Variants in KCNC4 observed in about 807,000 individuals in gnomAD.
The protein encoded by KCNC4 is voltage-gated potassium channel KCNC4.
In KCNC4, 23 loss-of-function variants were observed where a neutral mutation model predicts 42.8. The ratio of observed to expected loss-of-function variants is 0.54; its 90% CI spans 0.39 to 0.76. The LOEUF is 0.76. KCNC4 is among the 30% of genes least tolerant of loss of function. The pLI is 0.00. For missense variants in KCNC4, 751 were observed against 898.2 expected, an observed-to-expected ratio of 0.84 and a Z score of 2.10; for synonymous variants, 422 against 393.5, an observed-to-expected ratio of 1.07 and a Z score of -0.86.
chr1:110,260,878 C>T (rs892788269), intron 1 of KCNC4, among the ~76,000 whole-genome samples: 1 of 152,086 alleles, frequency 6.6e-6, no homozygotes. Flanking sequence ...TGCAGTGAGC[C>T]GAGATCGCGC....
intron 1 of KCNC4, among the ~76,000 whole-genome samples, chr1:110,261,274 A>G (rs1369022366): frequency 1.3e-5 from 2 of 152,238 alleles, no homozygotes; most frequent in South Asian, 2.1e-4. Context: ...TTTTTCTACC[A>G]TGAAAAATGG....
intron 1 of KCNC4, among the ~76,000 whole-genome samples, chr1:110,260,561 G>C (rs1234403053): frequency 1.3e-5 from 2 of 152,184 alleles, no homozygotes; most frequent in African/African-American, 4.8e-5. Context: ...AATATTTCTG[G>C]GGTGACCCTT....
At chr1:110,256,068 CAT>C (rs1659322803) in intron 1 of KCNC4, among the ~76,000 whole-genome samples, 1 of 152,138 alleles carries the variant, frequency 6.6e-6, no homozygotes, top group Non-Finnish European at 1.5e-5. Context: ...GTCCTGCAGC[CAT>C]TAGAATTACA....
At chr1:110,263,766 G>A (rs1659492462) in intron 1 of KCNC4, among the ~76,000 whole-genome samples, 1 of 150,138 alleles carries the variant, frequency 6.7e-6, no homozygotes, top group Admixed American at 6.6e-5. Context: ...ATTGAGGCCT[G>A]GAAGGCAACC....
intron 1 of KCNC4, among the ~76,000 whole-genome samples, chr1:110,218,398 T>C (rs512079): frequency 0.44 from 67,236 of 152,016 alleles, 17,916 homozygotes; most frequent in Non-Finnish European, 0.61. Context: ...TCCTTCACTC[T>C]TCAGGGCTGT....
intron 3 of KCNC4, among the ~76,000 whole-genome samples, chr1:110,230,427 C>T (rs1032956401): frequency 1.3e-5 from 2 of 152,198 alleles, no homozygotes; most frequent in African/African-American, 2.4e-5. Context: ...AGGGACACAA[C>T]GAGCCGGGTG....
downstream of KCNC4, chr1:110,234,592 T>TA (rs1658857828): frequency 6.6e-6 from 1 of 152,234 alleles, no homozygotes; most frequent in African/African-American, 2.4e-5. Flanking sequence ...TCACTGTTGT[T>TA]ATCCCTCTCA....
Position 110,226,337 on chromosome 1 carries a change from C to T in KCNC4, c.1819+159C>T, listed in dbSNP as rs374248029. The T allele has an allele frequency of 3.3e-5, 22 of 664,488 alleles. No individual in the cohort carries two copies. The East Asian group carries it at 3.8e-4, about 11-fold the overall frequency. 41.2% of individuals were successfully genotyped at this position (664,488 alleles called of 1,614,324 possible). On this transcript the variant is annotated intron_variant, in intron 3 of 3. Coordinates refer to ENST00000438661, the MANE Select transcript of KCNC4 (RefSeq NM_001039574.3). ...CTTTTAGAATGGGTACCTGATCTCC[C>T]AGTCCCTGGATTAGAAAGGTCTTCT...
At chr1:110,215,583 C>T (rs926187425) in intron 1 of KCNC4, among the ~76,000 whole-genome samples, 6 of 152,198 alleles carry the variant, frequency 3.9e-5, no homozygotes, top group Non-Finnish European at 7.3e-5. Context: ...GCTAAATCAG[C>T]ACATTTTTCC....
intron 1 of KCNC4, among the ~76,000 whole-genome samples, chr1:110,277,015 A>C (rs1659739054): frequency 6.6e-6 from 1 of 152,250 alleles, no homozygotes; most frequent in Admixed American, 6.5e-5. Flanking sequence ...ATTGCAAAGG[A>C]CATATAAACT....
At chr1:110,257,719 T>TGAAAAA (rs1659360233) in intron 1 of KCNC4, among the ~76,000 whole-genome samples, 1 of 35,888 alleles carries the variant, frequency 2.8e-5, no homozygotes, top group Non-Finnish European at 5.7e-5. Context: ...AGACTCCGTC[T>TGAAAAA]CAAAAAAAAA....
rs1282007153 is a variant in KCNC4, at chr1:110,211,613, C to A, written c.114C>A (p.Ile38=). The change falls in exon 1 of 4, where the codon ATC becomes ATA. Residue 38 remains isoleucine (I), a synonymous_variant. Transcript: ENST00000438661. The surrounding 1 kb of genome is among the most constrained non-coding windows in gnomAD (Gnocchi z 6.5). ...CCAAGGGCGAGGCGTCGGAGAAGAT[C>A]ATCATCAACGTGGGCGGCACGCGAC... is the stretch of plus-strand genomic sequence containing the variant. ...EMAKGEASEK[I]IINVGGTRHE... 3 of 1,614,050 alleles carry A rather than the reference C, an allele frequency of 1.9e-6. No homozygotes were observed. Among genetic ancestry groups the A allele is most frequent in the Admixed American group, 3.3e-5 (2 of 60,036 alleles).
At position 110,223,627 on chromosome 1, in the gene KCNC4, T is replaced by G; in HGVS notation, c.1342T>G (p.Ser448Ala). The change falls in exon 2 of 4, where the codon TCA becomes GCA. Residue 448 changes from serine to alanine, a missense_variant. This residue lies in a region of KCNC4 where 185 missense variants were observed against 293.7 expected (regional missense o/e 0.63). Transcript: ENST00000438661. The surrounding 1 kb of genome is among the most constrained non-coding windows in gnomAD (Gnocchi z 7.5). Reference sequence around the variant, plus strand: ...CGGAGACATGTACCCCAAGACGTGGTCAGGCATGCTGGTAGGGGCACTGTG... The same window carrying G: ...CGGAGACATGTACCCCAAGACGTGGGCAGGCATGCTGGTAGGGGCACTGTG... ...GYGDMYPKTW[S>A]GMLVGALCAL... 1 of 1,614,094 alleles carries G rather than the reference T, an allele frequency of 6.2e-7. No individual in the cohort carries two copies. The highest frequency in any genetic ancestry group is 8.5e-7 in the Non-Finnish European group (1 of 1,180,036).
At chr1:110,225,861 A>T in intron 2 of KCNC4, 114 bp from the exon 3 acceptor site, 2 of 982,900 alleles carry the variant, frequency 2.0e-6, no homozygotes, top group African/African-American at 1.6e-5. Context: ...GGTAGATGCT[A>T]GGCCCCTCCC....
chr1:110,265,084 A>G (rs1175136759), intron 1 of KCNC4, among the ~76,000 whole-genome samples: 2 of 26,750 alleles, frequency 7.5e-5, no homozygotes, highest in African/African-American at 1.9e-4. Flanking sequence ...TCTGTCTCAG[A>G]AAAAAAAAAA....
chr1:110,227,769 G>A (rs1302951955), intron 3 of KCNC4, among the ~76,000 whole-genome samples: 1 of 152,178 alleles, frequency 6.6e-6, no homozygotes, highest in Non-Finnish European at 1.5e-5. Context: ...GGGCTGTGAG[G>A]GGCTCAGTGG....
chr1:110,251,020 T>A (rs1659241985), downstream of KCNC4, among the ~76,000 whole-genome samples: 4 of 152,172 alleles, frequency 2.6e-5, no homozygotes, highest in South Asian at 8.3e-4. Flanking sequence ...AGACAGGTCC[T>A]AGGCAAACAG....
intron 1 of KCNC4, among the ~76,000 whole-genome samples, chr1:110,271,950 T>G (rs2101086635): frequency 1.3e-5 from 2 of 152,288 alleles, no homozygotes; most frequent in Middle Eastern, 6.8e-3. Flanking sequence ...TTACCCCATA[T>G]TCCTCTAAAT....
In KCNC4 at chr1:110,210,322, G is replaced by A. The variant is rs1467735251; in HGVS notation, c.-1178G>A. Among the ~76,000 whole-genome samples, 1 of 151,736 alleles carries A rather than the reference G, an allele frequency of 6.6e-6. No homozygotes were observed. The highest frequency in any genetic ancestry group is 2.4e-5 in the African/African-American group (1 of 41,458). On this transcript the variant is annotated 5_prime_UTR_variant, in exon 1 of 4. It adds an upstream start codon to the 5' untranslated region. Transcript: ENST00000438661. ...CCGGAGGAAAAGGCGCCACTGGGGCGTGGCGGCCGCTGCCAGCGCCGGAGG... is the reference window on the plus strand; with the variant it reads ...CCGGAGGAAAAGGCGCCACTGGGGCATGGCGGCCGCTGCCAGCGCCGGAGG...
Sources: gnomAD v4.1 joint callset for allele counts (sites outside exome capture counted in the v4.1 genomes callset) on GRCh38, gnomAD v4.1.1 for gene constraint, gnomAD v4.1.1 regional missense constraint, Gnocchi (gnomAD v3.1) non-coding constraint, MANE v1.5 for transcripts, NCBI Gene and HGNC (gene_info 2026-07-23, HGNC 2026-07-21) for gene names.